Variants in HGD observed in about 807,000 individuals in gnomAD.
The protein encoded by HGD is homogentisate oxidase.
A neutral mutation model predicts 60.8 loss-of-function variants in HGD; 61 were observed. The observed-to-expected ratio is 1.00, with a 90% CI of 0.82 to 1.24. The LOEUF is 1.24. HGD is among the 50% of genes most tolerant of loss of function. HGD has a pLI of 0.00. For missense variants in HGD, 542 were observed against 547.1 expected (o/e 0.99, Z 0.09); for synonymous variants, 212 against 187.7 (o/e 1.13, Z -1.06).
At chr3:120,680,448 TG>T (rs1182896456) in intron 1 of HGD, among the ~76,000 whole-genome samples, 4 of 152,224 alleles carry the variant, frequency 2.6e-5, no homozygotes, top group African/African-American at 9.6e-5. Flanking sequence ...AAGACTGGCA[TG>T]CAATTTACAT....
At chr3:120,677,382 C>T (rs191160662) in intron 1 of HGD, among the ~76,000 whole-genome samples, 16 of 152,194 alleles carry the variant, frequency 1.1e-4, no homozygotes, top group African/African-American at 3.9e-4. Context: ...AGAATACGAG[C>T]CAGGAGGTAT....
At chr3:120,679,854 A>G (rs1483213634) in intron 1 of HGD, among the ~76,000 whole-genome samples, 1 of 152,240 alleles carries the variant, frequency 6.6e-6, no homozygotes, top group Non-Finnish European at 1.5e-5. Flanking sequence ...AGCCCAGTGA[A>G]ACCGATTTCA....
In HGD at chr3:120,641,621, T is replaced by C. The variant is rs747620917; in HGVS notation, c.847A>G (p.Met283Val). The C allele has an allele frequency of 1.9e-6, 3 of 1,613,680 alleles. No homozygotes were observed. The highest frequency in any genetic ancestry group is 1.3e-5 in the African/African-American group (1 of 74,900). ...TCAAAGGCCACTGAGTTGATAACCA[T>C]GAAATTCTTCAGGTTGTACTTGTAG... ...TPYKYNLKNF[M>V]VINSVAFDHA... Residue 283 changes from methionine (M) to valine (V), a missense_variant, in exon 11 of 14, where the codon ATG becomes GTG. Met to Val is a conservative substitution (Grantham distance 21). Coordinates refer to ENST00000283871, the MANE Select transcript of HGD (RefSeq NM_000187.4).
At chr3:120,633,674 C>A (rs1940665004) in intron 12 of HGD, 1 of 1,099,288 alleles carries the variant, frequency 9.1e-7, no homozygotes. Context: ...ATCATCTAAG[C>A]TTACGAGCCC....
chr3:120,659,345 A>G (rs1335565481), intron 4 of HGD, among the ~76,000 whole-genome samples: 1 of 152,218 alleles, frequency 6.6e-6, no homozygotes, highest in Non-Finnish European at 1.5e-5. Context: ...TCACATGTTG[A>G]ATGCTTTGCT....
intron 12 of HGD, among the ~76,000 whole-genome samples, chr3:120,635,218 C>G (rs915357000): frequency 2.0e-5 from 3 of 152,202 alleles, no homozygotes; most frequent in African/African-American, 7.2e-5. Flanking sequence ...TGGCTCACGC[C>G]TGTAATCCCA....
chr3:120,657,929 G>A (rs1031243663), intron 4 of HGD, among the ~76,000 whole-genome samples: 62 of 152,236 alleles, frequency 4.1e-4, no homozygotes, highest in Non-Finnish European at 3.2e-4. Flanking sequence ...TCACTATCAT[G>A]AGGACAGTAC....
intron 3 of HGD, among the ~76,000 whole-genome samples, chr3:120,672,973 C>T (rs1049596797): frequency 6.6e-6 from 1 of 152,034 alleles, no homozygotes; most frequent in African/African-American, 2.4e-5. Flanking sequence ...TAGGTAGGTA[C>T]GTAGGTAGGT....
At chr3:120,667,349 A>AG in intron 4 of HGD, among the ~76,000 whole-genome samples, 1 of 151,326 alleles carries the variant, frequency 6.6e-6, no homozygotes, top group Non-Finnish European at 1.5e-5. Flanking sequence ...AAAAAAAAAA[A>AG]AAGACAAAGC....
Position 120,674,862 on chromosome 3 carries a change from C to A in HGD, c.176+39G>T, listed in dbSNP as rs1387939167. On this transcript the variant is annotated intron_variant, in intron 3 of 13. Coordinates refer to ENST00000283871, the MANE Select transcript of HGD (RefSeq NM_000187.4). ...GCAGCACAAAGTCCCTGTCATAGTA[C>A]CCACAGTCTGCAGGTCAGAATTCAT... 11 of 1,372,900 alleles carry A rather than the reference C, an allele frequency of 8.0e-6. 1 individual carries two copies. In the South Asian group the frequency reaches 1.3e-4, roughly 16 times the overall value. The allele number at this position is 1,372,900 out of a possible 1,614,324, so 85.0% of individuals were successfully genotyped here. A position where few individuals can be genotyped will look rare whatever the true frequency, so the allele number is the denominator to read the frequency against.
At chr3:120,634,025 T>C (rs754112343) in intron 12 of HGD, among the ~76,000 whole-genome samples, 4 of 152,226 alleles carry the variant, frequency 2.6e-5, no homozygotes, top group Non-Finnish European at 5.9e-5. Context: ...TCTAGTTCCA[T>C]TGATACCCTA....
intron 2 of HGD, 65 bp downstream of exon 2, chr3:120,675,727 G>T: frequency 1.6e-6 from 2 of 1,285,120 alleles, no homozygotes; most frequent in Non-Finnish European, 2.3e-6. Context: ...GAGGCACTTT[G>T]GCCTGAAAGC....
chr3:120,681,519 C>G (rs919920957), intron 1 of HGD, among the ~76,000 whole-genome samples: 2 of 152,198 alleles, frequency 1.3e-5, no homozygotes, highest in Non-Finnish European at 2.9e-5. Flanking sequence ...AAACAAGAAC[C>G]TCTCTCTATA....
intron 1 of HGD, among the ~76,000 whole-genome samples, chr3:120,680,381 C>A (rs1432152201): frequency 6.6e-6 from 1 of 152,064 alleles, no homozygotes; most frequent in Non-Finnish European, 1.5e-5. Flanking sequence ...TGGAGTTAAC[C>A]TTTCTTTGTA....
chr3:120,673,871 G>A (rs1708073580), intron 3 of HGD, among the ~76,000 whole-genome samples: 1 of 152,120 alleles, frequency 6.6e-6, no homozygotes, highest in Admixed American at 6.6e-5. Context: ...CTATGAAATA[G>A]GTACCATAAT....
At chr3:120,681,109 C>T (rs191424667) in intron 1 of HGD, among the ~76,000 whole-genome samples, 68 of 152,330 alleles carry the variant, frequency 4.5e-4, no homozygotes, top group African/African-American at 1.5e-3. Flanking sequence ...GTGTTTGATT[C>T]TTCAAACTCA....
chr3:120,675,924 T>C (rs1239501566), intron 1 of HGD, 61 bp from the exon 2 acceptor site: 14 of 1,342,418 alleles, frequency 1.0e-5, no homozygotes, highest in South Asian at 4.7e-5. Context: ...TTTCAGAAAA[T>C]TGGCAGTTTA....
chr3:120,648,294 G>A (rs1015406135), intron 6 of HGD, among the ~76,000 whole-genome samples: 3 of 152,224 alleles, frequency 2.0e-5, no homozygotes, highest in Non-Finnish European at 4.4e-5. Context: ...CCAGGCAGAA[G>A]GAACAGCAAG....
intron 12 of HGD, among the ~76,000 whole-genome samples, chr3:120,635,216 G>A (rs1052549656): frequency 6.6e-6 from 1 of 152,114 alleles, no homozygotes; most frequent in Non-Finnish European, 1.5e-5. Context: ...AGTGGCTCAC[G>A]CCTGTAATCC....
Sources: allele counts gnomAD v4.1 joint callset (sites outside exome capture counted in the v4.1 genomes callset), GRCh38; gene constraint gnomAD v4.1.1; transcripts MANE v1.5; gene names NCBI Gene and HGNC (gene_info 2026-07-23, HGNC 2026-07-21).